Variants in BAIAP2 observed in about 807,000 individuals in gnomAD.
BAIAP2 encodes the protein BAR/IMD domain-containing adapter protein 2.
A neutral mutation model predicts 63.0 loss-of-function variants in BAIAP2; 18 were observed. The observed-to-expected ratio is 0.29, with a 90% CI of 0.20 to 0.42. The LOEUF (loss-of-function observed/expected upper bound fraction) is 0.42, where lower values mean the gene tolerates loss of function less well. Among genes scored for constraint, BAIAP2 ranks in the 10% least tolerant of loss-of-function variants. The pLI, the probability that BAIAP2 is intolerant of heterozygous loss-of-function variation, is 1.00. For missense variants in BAIAP2, 610 were observed against 734.3 expected, an observed-to-expected ratio of 0.83 and a Z score of 1.96; for synonymous variants, 386 against 307.6, an observed-to-expected ratio of 1.25 and a Z score of -2.67.
intron 1 of BAIAP2, among the ~76,000 whole-genome samples, chr17:81,043,863 A>G (rs1459123276): frequency 6.6e-6 from 1 of 152,192 alleles, no homozygotes; most frequent in African/African-American, 2.4e-5. Context: ...GAGTTCGAGG[A>G]GTTCAGGAAG....
At chr17:81,073,963 G>A (rs2053169822) in intron 3 of BAIAP2, among the ~76,000 whole-genome samples, 2 of 152,190 alleles carry the variant, frequency 1.3e-5, no homozygotes, top group African/African-American at 4.8e-5. Context: ...CCAATAGGTG[G>A]AATGCTGATT....
intron 3 of BAIAP2, among the ~76,000 whole-genome samples, chr17:81,081,093 A>G (rs1365199600): frequency 1.3e-5 from 2 of 152,150 alleles, no homozygotes; most frequent in Non-Finnish European, 2.9e-5. Context: ...TGCCACCCCA[A>G]CTCGGCTGAA....
At chr17:81,101,282 C>T (rs923193406) in intron 7 of BAIAP2, among the ~76,000 whole-genome samples, 3 of 152,086 alleles carry the variant, frequency 2.0e-5, no homozygotes, top group Non-Finnish European at 2.9e-5. Context: ...CTGCAGCAGC[C>T]CCCTCCATGG....
intron 3 of BAIAP2, among the ~76,000 whole-genome samples, chr17:81,071,734 G>A (rs1049336706): frequency 1.3e-5 from 2 of 152,226 alleles, no homozygotes; most frequent in Non-Finnish European, 2.9e-5. Context: ...CGCGGGGGTC[G>A]GATGCCTTCT....
chr17:81,089,835 G>A (rs1021943193), intron 6 of BAIAP2, among the ~76,000 whole-genome samples: 42 of 152,180 alleles, frequency 2.8e-4, no homozygotes, highest in African/African-American at 9.6e-4. Context: ...GCCCCGAAGC[G>A]CATGGTAGGT....
chr17:81,108,347 C>A (rs2059422226), intron 12 of BAIAP2, 128 bp from the exon 13 acceptor site: 3 of 1,014,880 alleles, frequency 3.0e-6, no homozygotes, highest in Non-Finnish European at 4.4e-6. Context: ...AGATGGGGAG[C>A]CTTCCAAAGG....
intron 12 of BAIAP2, 49 bp downstream of exon 12, chr17:81,106,956 G>C: frequency 4.2e-5 from 62 of 1,462,856 alleles, no homozygotes; most frequent in Non-Finnish European, 5.4e-5. Flanking sequence ...TGGAACAGTG[G>C]GCTCAGCCTG....
At chr17:81,115,629 T>TTGTCTGTGAG in intron 13 of BAIAP2, 141 bp from the exon 14 acceptor site, 1 of 1,012,300 alleles carries the variant, frequency 9.9e-7, no homozygotes, top group Non-Finnish European at 1.5e-6. Context: ...AAGCAGCGTA[T>TTGTCTGTGAG]ATTGTCTGTG....
chr17:81,080,884 G>A (rs1268158680), intron 3 of BAIAP2, among the ~76,000 whole-genome samples: 1 of 152,184 alleles, frequency 6.6e-6, no homozygotes, highest in African/African-American at 2.4e-5. Flanking sequence ...GGCAAGAGCC[G>A]TGAAGAGTTC....
chr17:81,071,460 C>G (rs932800332), intron 3 of BAIAP2, among the ~76,000 whole-genome samples: 1 of 152,238 alleles, frequency 6.6e-6, no homozygotes, highest in South Asian at 2.1e-4. Context: ...TTGTGGATAG[C>G]TACTTCAGAA....
At chr17:81,060,142 G>T (rs1258660861) in intron 3 of BAIAP2, among the ~76,000 whole-genome samples, 2 of 152,184 alleles carry the variant, frequency 1.3e-5, no homozygotes, top group African/African-American at 4.8e-5. Flanking sequence ...TGTCAGCCTT[G>T]CTCTGGGAGT....
chr17:81,090,746 G>A (rs1036927628), intron 6 of BAIAP2, among the ~76,000 whole-genome samples: 7 of 152,144 alleles, frequency 4.6e-5, no homozygotes, highest in African/African-American at 1.4e-4. Context: ...CCCGAGCTGC[G>A]GGGAGGCTGC....
chr17:81,110,538 G>A (rs1267559656), intron 13 of BAIAP2: 40 of 1,122,754 alleles, frequency 3.6e-5, no homozygotes, highest in African/African-American at 8.1e-5. Context: ...ACCTCCTTCC[G>A]GTTCCCGGCG....
chr17:81,115,066 C>T (rs1206840551), intron 13 of BAIAP2, among the ~76,000 whole-genome samples: 3 of 152,252 alleles, frequency 2.0e-5, no homozygotes, highest in Non-Finnish European at 4.4e-5. Flanking sequence ...CTCAGGCATC[C>T]CTCTCATCCG....
rs1254393551 is a variant in BAIAP2 at position 81,070,328 on chromosome 17, G to T, written c.217+12361G>T. Among the ~76,000 whole-genome samples, 7 of 152,180 alleles carry T rather than the reference G, an allele frequency of 4.6e-5. 1 individual carries two copies. Among genetic ancestry groups the T allele is most frequent in the Admixed American group, 3.9e-4 (6 of 15,286 alleles). On this transcript the variant is annotated intron_variant, in intron 3 of 13. Coordinates refer to ENST00000428708, the MANE Select transcript of BAIAP2 (RefSeq NM_001144888.2). Reference sequence around the variant, plus strand: ...AGGCCCTGCTCCAAGCTGTGGCCTGGGTCTGCCCTCCACACTGAGCGGACG... The same window carrying T: ...AGGCCCTGCTCCAAGCTGTGGCCTGTGTCTGCCCTCCACACTGAGCGGACG...
At chr17:81,098,154 G>A in intron 6 of BAIAP2, 6 of 1,472,610 alleles carry the variant, frequency 4.1e-6, no homozygotes, top group Non-Finnish European at 4.5e-6. Flanking sequence ...GAGAGCCCTG[G>A]GGTTTGGAAC....
chr17:81,109,572 A>G, intron 13 of BAIAP2: 1 of 985,312 alleles, frequency 1.0e-6, no homozygotes, highest in Non-Finnish European at 1.2e-6. Flanking sequence ...AGGGGTGCAC[A>G]GAGAAAGGGG....
chr17:81,075,211 G>A (rs1029865263), intron 3 of BAIAP2, among the ~76,000 whole-genome samples: 1 of 152,206 alleles, frequency 6.6e-6, no homozygotes, highest in East Asian at 1.9e-4. Context: ...ATTTCAAGCC[G>A]GCGGCCAGGT....
intron 1 of BAIAP2, among the ~76,000 whole-genome samples, chr17:81,043,990 A>G (rs2047446064): frequency 1.3e-5 from 2 of 152,220 alleles, no homozygotes; most frequent in Admixed American, 1.3e-4. Flanking sequence ...TGGGACAGAA[A>G]GTTCTTCAGA....
Sources: gnomAD v4.1 joint callset for allele counts (sites outside exome capture counted in the v4.1 genomes callset) on GRCh38, gnomAD v4.1.1 for gene constraint, MANE v1.5 for transcripts, NCBI Gene and HGNC (gene_info 2026-07-23, HGNC 2026-07-21) for gene names.